LRP1B: variants seen among roughly 807,000 people sequenced by gnomAD.
LRP1B encodes LDL receptor related protein 1B.
Under a neutral mutation model 556.6 loss-of-function variants are expected in LRP1B, and 217 were observed. The observed-to-expected ratio is 0.39, with a 90% CI of 0.35 to 0.44. LRP1B has a LOEUF of 0.44. Among genes scored for constraint, LRP1B ranks in the 20% least tolerant of loss-of-function variants. The probability of loss-of-function intolerance (pLI) is 1.00; values close to 1 mark genes in which losing one functional copy is unlikely to be tolerated. For missense variants in LRP1B, 5,053 were observed against 5,620.8 expected (o/e 0.90, Z 3.23); for synonymous variants, 2,047 against 1,865.8 (o/e 1.10, Z -2.50).
intron 51 of LRP1B, 60 bp from the exon 52 acceptor site, chr2:140,510,116 C>T (rs2104918172): frequency 6.4e-7 from 1 of 1,564,602 alleles, no homozygotes; most frequent in Non-Finnish European, 8.7e-7. Context: ...AAATGTCTAC[C>T]ATTTACATTT....
Position 141,087,214 on chromosome 2 carries a change from A to G in LRP1B, c.1014-24941T>C, listed in dbSNP as rs114828443. 2.4e-3 allele frequency among the ~76,000 whole-genome samples: 310 copies of G among 126,952 alleles called. 3 individuals carry two copies. Among genetic ancestry groups the G allele is most frequent in the African/African-American group, 8.6e-3 (305 of 35,538 alleles). 83.3% of individuals were successfully genotyped at this position (126,952 alleles called of 152,430 possible). ...AGTATTATGCTGGTACCCAGGACATACTGTACTAGGATGATGTTCATTCCT... is the reference window on the plus strand; with the variant it reads ...AGTATTATGCTGGTACCCAGGACATGCTGTACTAGGATGATGTTCATTCCT... On this transcript the variant is annotated intron_variant, in intron 7 of 90. Coordinates refer to ENST00000389484, the MANE Select transcript of LRP1B (RefSeq NM_018557.3).
At chr2:140,668,798 A>T (rs570424130) in intron 41 of LRP1B, among the ~76,000 whole-genome samples, 2 of 152,024 alleles carry the variant, frequency 1.3e-5, no homozygotes, top group Non-Finnish European at 2.9e-5. Flanking sequence ...AATGCCACAA[A>T]GGGGTCTGTG....
intron 1 of LRP1B, among the ~76,000 whole-genome samples, chr2:141,952,548 T>C (rs1185878849): frequency 1.3e-5 from 2 of 152,040 alleles, no homozygotes; most frequent in Non-Finnish European, 2.9e-5. Context: ...AAAACAGTGG[T>C]GGGGAAATCA....
intron 29 of LRP1B, among the ~76,000 whole-genome samples, chr2:140,844,454 T>C (rs901981210): frequency 1.1e-4 from 16 of 152,150 alleles, no homozygotes; most frequent in African/African-American, 3.9e-4. Context: ...AATACTCTTC[T>C]TTTTGACTAT....
intron 58 of LRP1B, among the ~76,000 whole-genome samples, chr2:140,486,647 C>G (rs533192445): frequency 6.6e-6 from 1 of 151,710 alleles, no homozygotes; most frequent in African/African-American, 2.4e-5. Context: ...AATATATGAT[C>G]AAGTTTGAGT....
At chr2:141,512,038 A>C (rs1684149271) in intron 2 of LRP1B, among the ~76,000 whole-genome samples, 1 of 152,194 alleles carries the variant, frequency 6.6e-6, no homozygotes, top group Non-Finnish European at 1.5e-5. Flanking sequence ...CATACAGAAA[A>C]AAGAAATGCA....
At chr2:141,445,377 C>T (rs1236212400) in intron 3 of LRP1B, among the ~76,000 whole-genome samples, 1 of 152,156 alleles carries the variant, frequency 6.6e-6, no homozygotes, top group African/African-American at 2.4e-5. Flanking sequence ...AAACCAGCTC[C>T]TGCATTCATT....
chr2:140,972,238 TTAAG>T (rs1306224948), intron 18 of LRP1B, among the ~76,000 whole-genome samples: 3 of 152,012 alleles, frequency 2.0e-5, no homozygotes, highest in Non-Finnish European at 4.4e-5. Flanking sequence ...AAATTAAAAA[TTAAG>T]TAAGCTAAAA....
intron 16 of LRP1B, among the ~76,000 whole-genome samples, chr2:140,992,897 G>T (rs1185970873): frequency 2.0e-5 from 3 of 151,968 alleles, no homozygotes; most frequent in Non-Finnish European, 4.4e-5. Flanking sequence ...TAATGTTGAA[G>T]TCAGGGCCTG....
intron 67 of LRP1B, among the ~76,000 whole-genome samples, chr2:140,384,649 T>C (rs1243822273): frequency 1.3e-5 from 2 of 152,224 alleles, no homozygotes; most frequent in African/African-American, 4.8e-5. Flanking sequence ...TTGAAAGTTA[T>C]CCAAAACATT....
intron 2 of LRP1B, among the ~76,000 whole-genome samples, chr2:141,716,337 C>A (rs2105488327): frequency 6.6e-6 from 1 of 152,246 alleles, no homozygotes; most frequent in South Asian, 2.1e-4. Flanking sequence ...TCTTTTTATA[C>A]CTTAGCAAGC....
intron 43 of LRP1B, among the ~76,000 whole-genome samples, chr2:140,569,192 A>G (rs1421470659): frequency 1.3e-5 from 2 of 152,034 alleles, no homozygotes; most frequent in African/African-American, 4.8e-5. Context: ...AACAATTTAA[A>G]AAACAACAGG....
chr2:141,038,102 A>G (rs1698589053), intron 11 of LRP1B, among the ~76,000 whole-genome samples: 1 of 151,396 alleles, frequency 6.6e-6, no homozygotes, highest in African/African-American at 2.4e-5. Context: ...AGGGACATAT[A>G]GATATTCAGC....
chr2:142,126,405 G>C (rs1248740878), intron 1 of LRP1B, among the ~76,000 whole-genome samples: 3 of 151,746 alleles, frequency 2.0e-5, no homozygotes, highest in Non-Finnish European at 3.0e-5. Flanking sequence ...CCATTTTAAA[G>C]CAGATATACA....
intron 2 of LRP1B, among the ~76,000 whole-genome samples, chr2:141,489,503 T>C (rs12691612): frequency 0.88 from 133,942 of 151,904 alleles, 60,234 homozygotes; most frequent in East Asian, 1. Context: ...CTATCAAGAA[T>C]GTGAACAACA....
chr2:141,025,983 A>G (rs1698206661), intron 11 of LRP1B, among the ~76,000 whole-genome samples: 1 of 152,086 alleles, frequency 6.6e-6, no homozygotes, highest in African/African-American at 2.4e-5. Context: ...ATATTCCACT[A>G]AAATTCTTTG....
chr2:141,701,059 G>T (rs1212417938), intron 2 of LRP1B, among the ~76,000 whole-genome samples: 2 of 151,612 alleles, frequency 1.3e-5, no homozygotes, highest in East Asian at 1.9e-4. Context: ...ACTGCTCTTG[G>T]CTAAAGCTGT....
intron 35 of LRP1B, among the ~76,000 whole-genome samples, chr2:140,748,783 TAATATATATTATATA>T (rs1688453171): frequency 1.8e-5 from 1 of 56,206 alleles, no homozygotes; most frequent in Non-Finnish European, 4.0e-5. Flanking sequence ...AATATGTATA[TAATATATATTATATA>T]CATATTATAT....
intron 1 of LRP1B, among the ~76,000 whole-genome samples, chr2:142,016,249 C>A (rs1703126582): frequency 6.6e-6 from 1 of 152,074 alleles, no homozygotes; most frequent in Admixed American, 6.5e-5. Context: ...ATTAGTTCAA[C>A]CGTTGTGGAA....
Sources: allele counts gnomAD v4.1 joint callset (sites outside exome capture counted in the v4.1 genomes callset), GRCh38; gene constraint gnomAD v4.1.1; transcripts MANE v1.5; gene names NCBI Gene and HGNC (gene_info 2026-07-23, HGNC 2026-07-21).